ZFHX3: variants seen among roughly 807,000 people sequenced by gnomAD.
The protein encoded by ZFHX3 is zinc finger homeobox protein 3.
Under a neutral mutation model 279.1 loss-of-function variants are expected in ZFHX3, and 42 were observed. The observed-to-expected ratio is 0.15, with a 90% CI of 0.12 to 0.19. ZFHX3 has a LOEUF of 0.19. Ranked by LOEUF, ZFHX3 falls within the 10% of genes least tolerant of loss-of-function variation. The pLI, the probability that ZFHX3 is intolerant of heterozygous loss-of-function variation, is 1.00. For synonymous variants in ZFHX3, 2,293 were observed against 1,957.8 expected, an observed-to-expected ratio of 1.17 and a Z score of -4.52; for missense variants, 4,981 against 4,754.0, an observed-to-expected ratio of 1.05 and a Z score of -1.40.
intron 7 of ZFHX3, among the ~76,000 whole-genome samples, chr16:73,096,306 T>C (rs1370486915): frequency 1.3e-5 from 2 of 151,354 alleles, no homozygotes; most frequent in Non-Finnish European, 2.9e-5. Flanking sequence ...GCTCAGGGGA[T>C]CTCCCTCCAT....
chr16:72,936,581 A>G (rs1960137642), intron 3 of ZFHX3, among the ~76,000 whole-genome samples: 1 of 152,208 alleles, frequency 6.6e-6, no homozygotes, highest in African/African-American at 2.4e-5. Flanking sequence ...GTAGAACAGC[A>G]AGTGCAAAGG....
intron 3 of ZFHX3, chr16:73,455,934 A>G (rs2018363694): frequency 2.0e-5 from 3 of 151,764 alleles, no homozygotes; most frequent in Admixed American, 2.0e-4. Context: ...GACAAACCAC[A>G]TTGCGTTATT....
intron 1 of ZFHX3, among the ~76,000 whole-genome samples, chr16:72,989,724 ACAGAGTT>A (rs1963001964): frequency 6.6e-6 from 1 of 152,248 alleles, no homozygotes; most frequent in Non-Finnish European, 1.5e-5. Context: ...GATGCAGCAC[ACAGAGTT>A]CTACAGCCCA....
chr16:73,581,659 CTTTTTTTTTTTTTTTTTT>C (rs11286052), intron 2 of ZFHX3, among the ~76,000 whole-genome samples: 2 of 73,428 alleles, frequency 2.7e-5, no homozygotes, highest in Non-Finnish European at 5.3e-5. Context: ...TCGAATGTCT[CTTTTTTTTTTTTTTTTTT>C]TTTTTTTTTT....
chr16:72,986,242 A>G (rs866126322), intron 1 of ZFHX3, among the ~76,000 whole-genome samples: 1 of 152,244 alleles, frequency 6.6e-6, no homozygotes, highest in Middle Eastern at 3.4e-3. Context: ...GGACGGAAGC[A>G]CAGCCGACAG....
At chr16:73,682,899 A>G (rs1263331079) in intron 1 of ZFHX3, among the ~76,000 whole-genome samples, 2 of 19,744 alleles carry the variant, frequency 1.0e-4, no homozygotes, top group Non-Finnish European at 1.1e-4. Flanking sequence ...AGAAAGAAAG[A>G]AAGAAAGAGA....
intron 1 of ZFHX3, among the ~76,000 whole-genome samples, chr16:73,001,889 G>A (rs558800370): frequency 6.6e-6 from 1 of 152,064 alleles, no homozygotes; most frequent in South Asian, 2.1e-4. Flanking sequence ...TTCTCACTTA[G>A]GCCAGACTGA....
chr16:73,396,047 T>G (rs11643243), intron 3 of ZFHX3, among the ~76,000 whole-genome samples: 1 of 152,054 alleles, frequency 6.6e-6, no homozygotes, highest in African/African-American at 2.4e-5. Flanking sequence ...CTGGAATAAA[T>G]AGGCCAGGGC....
At chr16:73,537,314 C>CTTTTTTTTT (rs3051948) in intron 2 of ZFHX3, among the ~76,000 whole-genome samples, 11 of 77,622 alleles carry the variant, frequency 1.4e-4, no homozygotes, top group Non-Finnish European at 2.5e-4. Flanking sequence ...CTTTCTTCTT[C>CTTTTTTTTT]TTTTTTTTTT....
intron 7 of ZFHX3, among the ~76,000 whole-genome samples, chr16:72,810,204 G>C (rs1370089137): frequency 6.7e-6 from 1 of 149,390 alleles, no homozygotes; most frequent in African/African-American, 2.5e-5. Flanking sequence ...TTTTTCTTTT[G>C]AGATGGAGTC....
intron 7 of ZFHX3, among the ~76,000 whole-genome samples, chr16:72,804,023 T>G (rs1375956053): frequency 6.6e-6 from 1 of 152,174 alleles, no homozygotes; most frequent in Non-Finnish European, 1.5e-5. Flanking sequence ...GTGCAGAAAA[T>G]TTGGAAGCCA....
At chr16:73,022,829 T>C (rs947728935) in intron 1 of ZFHX3, among the ~76,000 whole-genome samples, 2 of 152,066 alleles carry the variant, frequency 1.3e-5, no homozygotes, top group African/African-American at 4.8e-5. Flanking sequence ...CACCCTGTTC[T>C]AGCCAGGTTT....
chr16:72,995,085 A>G (rs1963235123), intron 1 of ZFHX3, among the ~76,000 whole-genome samples: 1 of 152,202 alleles, frequency 6.6e-6, no homozygotes, highest in Non-Finnish European at 1.5e-5. Context: ...AAATGTAGAC[A>G]GGGTTCCCAC....
chr16:73,775,516 G>A (rs994392331), intron 1 of ZFHX3, among the ~76,000 whole-genome samples: 1 of 152,104 alleles, frequency 6.6e-6, no homozygotes, highest in Non-Finnish European at 1.5e-5. Flanking sequence ...AACCTCTTTT[G>A]GAGGCAATGC....
chr16:73,284,784 C>G (rs1273923470), intron 4 of ZFHX3, among the ~76,000 whole-genome samples: 1 of 152,200 alleles, frequency 6.6e-6, no homozygotes, highest in African/African-American at 2.4e-5. Flanking sequence ...ATGACCAACA[C>G]TGAAATGAAT....
intron 3 of ZFHX3, among the ~76,000 whole-genome samples, chr16:72,943,582 C>A (rs1055989700): frequency 6.6e-6 from 1 of 152,138 alleles, no homozygotes; most frequent in African/African-American, 2.4e-5. Flanking sequence ...AATGTTCCCC[C>A]ATCTACATTA....
intron 2 of ZFHX3, among the ~76,000 whole-genome samples, chr16:73,657,397 G>A (rs1349827621): frequency 6.6e-6 from 1 of 152,250 alleles, no homozygotes. Flanking sequence ...GGCAGAGGTT[G>A]CAGCGAGCCA....
intron 3 of ZFHX3, among the ~76,000 whole-genome samples, chr16:72,912,202 G>C (rs1331889928): frequency 6.6e-6 from 1 of 152,210 alleles, no homozygotes; most frequent in Non-Finnish European, 1.5e-5. Flanking sequence ...CGCGCGGGGA[G>C]GTGCCTGCTC....
chr16:73,659,505 A>C (rs1391421333), intron 2 of ZFHX3, among the ~76,000 whole-genome samples: 1 of 152,118 alleles, frequency 6.6e-6, no homozygotes, highest in African/African-American at 2.4e-5. Flanking sequence ...TGTTACCCTC[A>C]GAGATTCCCA....
Sources: gnomAD v4.1 joint callset for allele counts (sites outside exome capture counted in the v4.1 genomes callset) on GRCh38, gnomAD v4.1.1 for gene constraint, MANE v1.5 for transcripts, NCBI Gene and HGNC (gene_info 2026-07-23, HGNC 2026-07-21) for gene names.